NUP210: variants seen among roughly 807,000 people sequenced by gnomAD.
NUP210 encodes nucleoporin 210.
In NUP210, 151 loss-of-function variants were observed where a neutral mutation model predicts 196.0. The ratio of observed to expected loss-of-function variants is 0.77; its 90% CI spans 0.67 to 0.88. The LOEUF is 0.88. Among genes scored for constraint, NUP210 ranks in the 40% least tolerant of loss-of-function variants. The pLI is 0.00. For missense variants in NUP210, 2,314 were observed against 2,493.7 expected (o/e 0.93, Z 1.53); for synonymous variants, 1,070 against 1,052.7 (o/e 1.02, Z -0.32).
At chr3:13,330,687 C>T (rs1481707506) in intron 29 of NUP210, 53 bp from the exon 30 acceptor site, 13 of 1,527,232 alleles carry the variant, frequency 8.5e-6, no homozygotes, top group African/African-American at 1.4e-5. Context: ...TGGGAGTGGG[C>T]CTGGATACAA....
rs573649420 is a variant in NUP210 at position 13,378,966 on chromosome 3, C to T, written c.991G>A (p.Gly331Ser). The T allele has an allele frequency of 1.2e-5, 20 of 1,614,024 alleles. No individual in the cohort carries two copies. Among genetic ancestry groups the T allele is most frequent in the Non-Finnish European group, 1.6e-5 (19 of 1,179,928 alleles). Residue 331 changes from glycine to serine, a missense_variant, in exon 8 of 40, where the codon GGT becomes AGT. Gly to Ser is a moderately conservative substitution (Grantham distance 56, BLOSUM62 0). Coordinates refer to ENST00000254508, the MANE Select transcript of NUP210 (RefSeq NM_024923.4). ...GTGCTGTTGGGTAACCTAGAAGCACCTTGCATGCGAATACCTGAATTTTGA... is the reference window on the plus strand; with the variant it reads ...GTGCTGTTGGGTAACCTAGAAGCACTTTGCATGCGAATACCTGAATTTTGA... ...VLGHRSIRMQ[G>S]ASRLPNSTIY...
chr3:13,320,021 T>G, intron 36 of NUP210, 42 bp from the exon 37 acceptor site: 1 of 1,579,592 alleles, frequency 6.3e-7, no homozygotes. Flanking sequence ...TTCTGCAGAG[T>G]GGGGGGACCA....
At chr3:13,384,504 G>A (rs182287385) in intron 6 of NUP210, among the ~76,000 whole-genome samples, 58 of 152,332 alleles carry the variant, frequency 3.8e-4, no homozygotes, top group Middle Eastern at 3.4e-3. Flanking sequence ...AAGAAATGAG[G>A]CAGGAGGATG....
chr3:13,394,320 T>C (rs1699584382), intron 3 of NUP210, among the ~76,000 whole-genome samples: 1 of 152,132 alleles, frequency 6.6e-6, no homozygotes, highest in Non-Finnish European at 1.5e-5. Context: ...GGCCAGGAAA[T>C]AGCTGTGAAA....
intron 1 of NUP210, among the ~76,000 whole-genome samples, chr3:13,401,344 C>T (rs1466548568): frequency 8.6e-5 from 13 of 151,208 alleles, no homozygotes; most frequent in African/African-American, 3.2e-4. Flanking sequence ...AAGTGTCTTC[C>T]CTGGGCCAAG....
rs2271502 is a variant in NUP210 at position 13,343,248 on chromosome 3, A to G, written c.2891T>C (p.Val964Ala). 3.5e-3 allele frequency: 5,572 copies of G among 1,601,278 alleles called. 112 individuals carry two copies. In the East Asian group the frequency reaches 0.045, roughly 13 times the overall value. The change falls in exon 21 of 40, where the codon GTC becomes GCC. Residue 964 changes from valine (V) to alanine (A), a missense_variant. Physicochemically the swap from Val to Ala is moderately conservative, Grantham distance 64. Coordinates refer to ENST00000254508, the MANE Select transcript of NUP210 (RefSeq NM_024923.4). ...GACAGCCTTGGCTGGGGCCGGGAAG[A>G]CGAGGCACAAGTCATGGATCATGAT... is the stretch of plus-strand genomic sequence containing the variant. Reference protein sequence around the residue: ...STIMIHDLCLVFPAPAKAVVY... With the variant: ...STIMIHDLCLAFPAPAKAVVY...
Position 13,343,318 on chromosome 3 carries a change from C to CGGG in NUP210, c.2836-16_2836-15insCCC. On this transcript the variant is annotated splice_polypyrimidine_tract_variant and intron_variant, in intron 20 of 39. Transcript: ENST00000254508. ...AAAGGGTGCACCTGCAAGGTTGGGG[C>CGGG]GGAGGTGGAGGGGTGGGTGGTGGGT... is the stretch of plus-strand genomic sequence containing the variant. 1 of 199,144 alleles carries CGGG rather than the reference C, an allele frequency of 5.0e-6. No individual in the cohort carries two copies. 12.3% of individuals were successfully genotyped at this position (199,144 alleles called of 1,614,324 possible). A position where few individuals can be genotyped will look rare whatever the true frequency, so the allele number is the denominator to read the frequency against.
chr3:13,398,180 C>T (rs919679241), intron 2 of NUP210, among the ~76,000 whole-genome samples: 20 of 152,328 alleles, frequency 1.3e-4, no homozygotes, highest in Middle Eastern at 3.4e-3. Context: ...TGGCTCACGT[C>T]TGTAATCCCA....
chr3:13,335,528 C>T lies in NUP210; in HGVS notation c.3769G>A (p.Val1257Ile), dbSNP rs777793115. 1.2e-5 allele frequency: 20 copies of T among 1,614,116 alleles called. No individual in the cohort carries two copies. The highest frequency in any genetic ancestry group is 1.5e-5 in the Non-Finnish European group (18 of 1,180,044). ...VKGRTGLRVV[V>I]KAVDPTSGQL... ...CCCGATGTGGGGTCCACAGCCTTGACCACCACCCTCAGCCCGGTCCGGCCT... is the reference window on the plus strand; with the variant it reads ...CCCGATGTGGGGTCCACAGCCTTGATCACCACCCTCAGCCCGGTCCGGCCT... Residue 1257 changes from valine to isoleucine, a missense_variant, in exon 28 of 40, where the codon GTC becomes ATC. By Grantham distance (29) the Val-to-Ile change is conservative. Coordinates refer to ENST00000254508, the MANE Select transcript of NUP210 (RefSeq NM_024923.4).
In NUP210 at chr3:13,340,046, G is replaced by A; in HGVS notation, c.3292-13C>T. 1 of 1,611,326 alleles carries A rather than the reference G, an allele frequency of 6.2e-7. No homozygotes were observed. On this transcript the variant is annotated splice_polypyrimidine_tract_variant and intron_variant, in intron 24 of 39. Coordinates refer to ENST00000254508, the MANE Select transcript of NUP210 (RefSeq NM_024923.4). The surrounding 1 kb of genome is among the most constrained non-coding windows in gnomAD (Gnocchi z 4.0). ...CCTCGGAGGTGACCTGAGCGGGGAG[G>A]AAACAGCGGCGTGTCAGTGCCCGTC...
chr3:13,386,151 A>G, intron 6 of NUP210, 124 bp downstream of exon 6: 2 of 1,017,788 alleles, frequency 2.0e-6, no homozygotes, highest in Non-Finnish European at 2.9e-6. Context: ...GTGTGAATGT[A>G]CTTGATGCTA....
At chr3:13,346,969 G>A in intron 20 of NUP210, 6 of 977,374 alleles carry the variant, frequency 6.1e-6, no homozygotes, top group Non-Finnish European at 7.3e-6. Flanking sequence ...CTTCCCAAGG[G>A]CGAGGACTGG....
intron 3 of NUP210, among the ~76,000 whole-genome samples, chr3:13,396,486 G>T (rs1329475892): frequency 6.6e-6 from 1 of 151,558 alleles, no homozygotes; most frequent in East Asian, 1.9e-4. Flanking sequence ...GGTGGCTCAT[G>T]TGTGTAATCC....
chr3:13,329,492 A>G (rs1295526346), intron 30 of NUP210, among the ~76,000 whole-genome samples: 1 of 152,190 alleles, frequency 6.6e-6, no homozygotes, highest in Non-Finnish European at 1.5e-5. Flanking sequence ...CAAAGGTCTG[A>G]ATTTCTTTAA....
At chr3:13,415,767 C>A (rs568408982) in intron 1 of NUP210, among the ~76,000 whole-genome samples, 1 of 152,292 alleles carries the variant, frequency 6.6e-6, no homozygotes, top group East Asian at 1.9e-4. Flanking sequence ...GACCTGCTGA[C>A]GTGCCCGTCC....
Position 13,339,849 on chromosome 3 carries a change from G to T in NUP210, c.3471+5C>A. 1 of 1,610,820 alleles carries T rather than the reference G, an allele frequency of 6.2e-7. No individual in the cohort carries two copies. Among genetic ancestry groups the T allele is most frequent in the East Asian group, 2.2e-5 (1 of 44,870 alleles). On this transcript the variant is annotated splice_donor_5th_base_variant and intron_variant, in intron 25 of 39. Coordinates refer to ENST00000254508, the MANE Select transcript of NUP210 (RefSeq NM_024923.4). The stretch of plus-strand genomic sequence containing the variant: ...CTGCCCAGTCTCCAATAGCACGCCT[G>T]TTACCTGAGAGATGATGACCACCTT...
chr3:13,391,894 G>A (rs1215067189), intron 3 of NUP210, among the ~76,000 whole-genome samples: 1 of 151,928 alleles, frequency 6.6e-6, no homozygotes. Context: ...CTTGCTGCCT[G>A]GGAGCCTTCT....
intron 34 of NUP210, 50 bp from the exon 35 acceptor site, chr3:13,322,389 C>T (rs534215847): frequency 1.2e-5 from 19 of 1,598,018 alleles, no homozygotes; most frequent in Non-Finnish European, 1.5e-5. Context: ...ATGGCCACCA[C>T]ACCAAATTCC....
At chr3:13,388,573 G>T in intron 4 of NUP210, 120 bp from the exon 5 acceptor site, 2 of 1,053,152 alleles carry the variant, frequency 1.9e-6, no homozygotes, top group Non-Finnish European at 2.6e-6. Flanking sequence ...AATAAGGGGT[G>T]TCCCCCTAGT....
Sources: gnomAD v4.1 joint callset for allele counts (sites outside exome capture counted in the v4.1 genomes callset) on GRCh38, gnomAD v4.1.1 for gene constraint, Gnocchi (gnomAD v3.1) non-coding constraint, MANE v1.5 for transcripts, NCBI Gene and HGNC (gene_info 2026-07-23, HGNC 2026-07-21) for gene names.